Variants in MYO16 observed in about 807,000 individuals in gnomAD.
MYO16 encodes the protein unconventional myosin-XVI.
MYO16 carries 94 observed loss-of-function variants against 205.3 expected under a neutral mutation model. The ratio of observed to expected loss-of-function variants is 0.46; its 90% CI spans 0.39 to 0.54. MYO16 has a LOEUF of 0.54. Ranked by LOEUF, MYO16 falls within the 20% of genes least tolerant of loss-of-function variation. The pLI is 0.00. For synonymous variants in MYO16, 988 were observed against 954.0 expected (o/e 1.04, Z -0.66); for missense variants, 2,315 against 2,387.5 (o/e 0.97, Z 0.63).
At chr13:108,757,553 T>A (rs1885460412) in intron 4 of MYO16, among the ~76,000 whole-genome samples, 1 of 152,140 alleles carries the variant, frequency 6.6e-6, no homozygotes, top group East Asian at 1.9e-4. Context: ...TATGTATACA[T>A]GTGCCATGTT....
the MYO16 span, among the ~76,000 whole-genome samples, chr13:108,562,979 T>A: frequency 1.3e-5 from 2 of 152,218 alleles, no homozygotes; most frequent in Non-Finnish European, 2.9e-5. Flanking sequence ...AATTTTGTTA[T>A]TAATCTCTAA....
intron 6 of MYO16, among the ~76,000 whole-genome samples, chr13:108,800,281 A>T (rs1440273539): frequency 2.6e-5 from 4 of 152,212 alleles, no homozygotes; most frequent in Admixed American, 2.6e-4. Flanking sequence ...ACTACTCAGG[A>T]TATGTAGCTT....
intron 1 of MYO16, among the ~76,000 whole-genome samples, chr13:108,651,089 G>A (rs1235145878): frequency 6.6e-6 from 1 of 152,202 alleles, no homozygotes. Flanking sequence ...ATTTGGCACT[G>A]TGCAGTTGGT....
chr13:108,597,342 C>A (rs1193131234), intron 1 of MYO16, among the ~76,000 whole-genome samples: 3 of 152,148 alleles, frequency 2.0e-5, no homozygotes, highest in Non-Finnish European at 2.9e-5. Context: ...CACCCCAGAG[C>A]AAAACATTTA....
chr13:109,107,596 A>T (rs974470029), intron 28 of MYO16, among the ~76,000 whole-genome samples: 5 of 152,040 alleles, frequency 3.3e-5, no homozygotes, highest in Non-Finnish European at 5.9e-5. Context: ...TATTAGTACG[A>T]TAAATTAATG....
chr13:108,626,928 T>C (rs1401820879), upstream of MYO16, among the ~76,000 whole-genome samples: 1 of 146,564 alleles, frequency 6.8e-6, no homozygotes, highest in Non-Finnish European at 1.5e-5. Context: ...TATAGCTATA[T>C]ATAATATATA....
chr13:109,002,634 C>A (rs1390892544), intron 21 of MYO16, among the ~76,000 whole-genome samples: 5 of 152,142 alleles, frequency 3.3e-5, no homozygotes, highest in African/African-American at 1.2e-4. Context: ...AATTGAACCC[C>A]AAAACAACTC....
chr13:108,550,087 C>T, the MYO16 span, among the ~76,000 whole-genome samples: 7 of 152,224 alleles, frequency 4.6e-5, no homozygotes, highest in Non-Finnish European at 1.0e-4. Flanking sequence ...GGACCCGTGG[C>T]CTGGATTGCA....
intron 33 of MYO16, among the ~76,000 whole-genome samples, chr13:109,177,997 C>T: frequency 6.6e-6 from 1 of 152,178 alleles, no homozygotes; most frequent in Non-Finnish European, 1.5e-5. Flanking sequence ...TTATTCCCCT[C>T]TAAGAGGTGG....
intron 1 of MYO16, among the ~76,000 whole-genome samples, chr13:108,597,387 A>G (rs1232206033): frequency 6.6e-6 from 1 of 152,194 alleles, no homozygotes; most frequent in African/African-American, 2.4e-5. Context: ...ATTTATCTCC[A>G]GATTCCTAAA....
Position 108,607,939 on chromosome 13 carries a change from G to A in MYO16, c.-39+11700G>A, listed in dbSNP as rs79326400. On this transcript the variant is annotated intron_variant, in intron 1 of 24. Transcript: ENST00000251041. Reference sequence around the variant, plus strand: ...CTCTTCTCTCTTGTTCCTGTTCTCTGATCCTACAGTGCTCTCTCTCAGCTC... The same window carrying A: ...CTCTTCTCTCTTGTTCCTGTTCTCTAATCCTACAGTGCTCTCTCTCAGCTC... Among the ~76,000 whole-genome samples the A allele has an allele frequency of 1.5e-3, 224 of 152,190 alleles. 1 individual carries two copies. The highest frequency in any genetic ancestry group is 4.7e-3 in the African/African-American group (195 of 41,540).
intron 1 of MYO16, among the ~76,000 whole-genome samples, chr13:108,613,837 C>A (rs1879257620): frequency 6.6e-6 from 1 of 152,048 alleles, no homozygotes; most frequent in Admixed American, 6.6e-5. Context: ...ATATAACTCC[C>A]TTTTATGATA....
intron 1 of MYO16, among the ~76,000 whole-genome samples, chr13:108,641,159 T>C (rs1211304431): frequency 6.6e-6 from 1 of 152,204 alleles, no homozygotes; most frequent in African/African-American, 2.4e-5. Flanking sequence ...TCTCGATACT[T>C]TAAAACAAGA....
intron 12 of MYO16, among the ~76,000 whole-genome samples, chr13:108,875,762 T>C (rs1879293319): frequency 6.6e-6 from 1 of 152,114 alleles, no homozygotes; most frequent in African/African-American, 2.4e-5. Context: ...TAGTCCTAGC[T>C]ACTTGGGAGG....
At chr13:109,030,730 C>T (rs969523927) in intron 23 of MYO16, among the ~76,000 whole-genome samples, 4 of 152,092 alleles carry the variant, frequency 2.6e-5, no homozygotes, top group Non-Finnish European at 5.9e-5. Context: ...TTTAATATCT[C>T]TATTAGTATA....
chr13:108,899,008 T>G (rs1368474745), intron 15 of MYO16, among the ~76,000 whole-genome samples: 1 of 152,176 alleles, frequency 6.6e-6, no homozygotes, highest in African/African-American at 2.4e-5. Flanking sequence ...GTTACCCTAT[T>G]TTCCCTTCAG....
chr13:108,819,090 C>T (rs1875806794), intron 7 of MYO16, among the ~76,000 whole-genome samples: 1 of 152,132 alleles, frequency 6.6e-6, no homozygotes, highest in African/African-American at 2.4e-5. Flanking sequence ...ACTGATATCC[C>T]AGCAATTTCA....
At chr13:108,768,747 T>C (rs1885862798) in intron 4 of MYO16, among the ~76,000 whole-genome samples, 1 of 152,170 alleles carries the variant, frequency 6.6e-6, no homozygotes, top group Admixed American at 6.5e-5. Context: ...TGAAGTTAAA[T>C]TATATTCGTC....
the MYO16 span, among the ~76,000 whole-genome samples, chr13:108,585,995 A>G: frequency 6.6e-6 from 1 of 152,146 alleles, no homozygotes; most frequent in Non-Finnish European, 1.5e-5. Context: ...AGATGGATGA[A>G]TTACTAGAAG....
Sources: allele counts gnomAD v4.1 joint callset (sites outside exome capture counted in the v4.1 genomes callset), GRCh38; gene constraint gnomAD v4.1.1; transcripts MANE v1.5; gene names NCBI Gene and HGNC (gene_info 2026-07-23, HGNC 2026-07-21).